The following LRRC69 variants were observed in gnomAD, a reference collection of about 807,000 sequenced individuals.
LRRC69 encodes the protein leucine-rich repeat-containing protein 69.
A neutral mutation model predicts 37.8 loss-of-function variants in LRRC69; 42 were observed. That is an observed-to-expected ratio of 1.11 (90% CI 0.87 to 1.44). The LOEUF is 1.44. Ranked by LOEUF, LRRC69 falls within the 40% of genes most tolerant of loss-of-function variation. The pLI is 0.00. For missense variants in LRRC69, 357 were observed against 401.9 expected, an observed-to-expected ratio of 0.89 and a Z score of 0.96; for synonymous variants, 141 against 143.1, an observed-to-expected ratio of 0.99 and a Z score of 0.11.
chr8:91,218,434 A>G (rs972996704), intron 7 of LRRC69, among the ~76,000 whole-genome samples: 1 of 152,166 alleles, frequency 6.6e-6, no homozygotes. Context: ...CTTAATGAAT[A>G]GTACAGACAG....
intron 5 of LRRC69, among the ~76,000 whole-genome samples, chr8:91,173,732 C>T (rs1295164054): frequency 3.3e-5 from 5 of 152,060 alleles, no homozygotes; most frequent in African/African-American, 1.2e-4. Flanking sequence ...GGGGCTTGCA[C>T]TCTGCTTCAA....
chr8:91,200,831 G>A (rs1268992881), intron 7 of LRRC69, 39 bp downstream of exon 7: 1 of 1,464,714 alleles, frequency 6.8e-7, no homozygotes, highest in Non-Finnish European at 9.1e-7. Flanking sequence ...GCATAATACT[G>A]ATTCCTATCC....
At chr8:91,123,438 C>CT (rs1201714637) in intron 1 of LRRC69, among the ~76,000 whole-genome samples, 1 of 152,046 alleles carries the variant, frequency 6.6e-6, no homozygotes, top group Admixed American at 6.6e-5. Flanking sequence ...CAAGTAAAAC[C>CT]TTTACCATGA....
rs544887288 is a variant in LRRC69 at position 91,105,935 on chromosome 8, T to C, written c.183+3091T>C. The stretch of plus-strand genomic sequence containing the variant: ...GAAATCTCTGCCCTCATAGAGTTTA[T>C]GTTTTAGTCAGGAATGATGTAAGAA... On this transcript the variant is annotated intron_variant, in intron 1 of 7. Transcript: ENST00000448384. Among the ~76,000 whole-genome samples, 41 of 152,152 alleles carry C rather than the reference T, an allele frequency of 2.7e-4. 1 individual carries two copies. In the South Asian group the frequency reaches 8.1e-3, roughly 30 times the overall value.
intron 7 of LRRC69, among the ~76,000 whole-genome samples, chr8:91,208,927 T>C (rs1001052500): frequency 2.6e-5 from 4 of 152,182 alleles, no homozygotes; most frequent in Non-Finnish European, 5.9e-5. Flanking sequence ...CTGGTTCTCT[T>C]TCAACCACTT....
intron 6 of LRRC69, among the ~76,000 whole-genome samples, chr8:91,192,574 A>C (rs902661131): frequency 2.6e-5 from 4 of 151,412 alleles, no homozygotes; most frequent in African/African-American, 9.7e-5. Flanking sequence ...TGTGGTTTTG[A>C]TTTGCATTTC....
At chr8:91,146,645 A>C (rs1808624664) in intron 5 of LRRC69, among the ~76,000 whole-genome samples, 1 of 151,748 alleles carries the variant, frequency 6.6e-6, no homozygotes. Flanking sequence ...GGCACCCAAT[A>C]AATAATTACA....
At chr8:91,123,923 G>A (rs1563596489) in intron 1 of LRRC69, among the ~76,000 whole-genome samples, 2 of 151,584 alleles carry the variant, frequency 1.3e-5, no homozygotes, top group Admixed American at 6.6e-5. Flanking sequence ...TCTTTTCTAC[G>A]CTCATTATAC....
At chr8:91,155,657 G>A (rs1808820470) in intron 5 of LRRC69, among the ~76,000 whole-genome samples, 2 of 150,378 alleles carry the variant, frequency 1.3e-5, no homozygotes, top group South Asian at 2.1e-4. Flanking sequence ...ACTCTTCCCA[G>A]CCTCTAATAA....
intron 3 of LRRC69, among the ~76,000 whole-genome samples, chr8:91,132,667 T>C (rs1230221530): frequency 6.6e-6 from 1 of 151,962 alleles, no homozygotes; most frequent in Non-Finnish European, 1.5e-5. Flanking sequence ...GATTCATCTT[T>C]GAACTTCCAC....
intron 1 of LRRC69, among the ~76,000 whole-genome samples, chr8:91,111,527 C>A (rs1464002279): frequency 1.3e-5 from 2 of 151,766 alleles, no homozygotes; most frequent in East Asian, 3.9e-4. Flanking sequence ...AAGTGAGACT[C>A]CATCTCAAAA....
chr8:91,196,562 C>T (rs1421409215), intron 6 of LRRC69, among the ~76,000 whole-genome samples: 9 of 152,080 alleles, frequency 5.9e-5, no homozygotes, highest in Non-Finnish European at 1.2e-4. Flanking sequence ...TCTTTTTTCT[C>T]TAAACTTCCC....
chr8:91,208,499 T>C (rs1809846406), intron 7 of LRRC69, among the ~76,000 whole-genome samples: 1 of 152,154 alleles, frequency 6.6e-6, no homozygotes, highest in African/African-American at 2.4e-5. Flanking sequence ...GTGGCACAAA[T>C]TCTTCAGCTA....
chr8:91,107,595 T>C (rs1330043458), intron 1 of LRRC69, among the ~76,000 whole-genome samples: 1 of 152,028 alleles, frequency 6.6e-6, no homozygotes, highest in Admixed American at 6.6e-5. Context: ...TGTAGAAGCT[T>C]TAAATACAGT....
chr8:91,219,192 T>C, downstream of LRRC69: 1 of 381,130 alleles, frequency 2.6e-6, no homozygotes, highest in Non-Finnish European at 4.7e-6. Flanking sequence ...AGATTCTAGG[T>C]GTGCTTTTTT....
Position 91,144,494 on chromosome 8 carries a change from C to A in LRRC69, c.651+8755C>A, listed in dbSNP as rs936325119. 7.9e-5 allele frequency among the ~76,000 whole-genome samples: 12 copies of A among 152,100 alleles called. No individual in the cohort carries two copies. In the East Asian group the frequency reaches 2.1e-3, roughly 27 times the overall value. ...TCTGTTTATTTCTGTCTTACCCTTT[C>A]CCTCTCCCTTGTGGCTCATTTGGTT... is the stretch of plus-strand genomic sequence containing the variant. On this transcript the variant is annotated intron_variant, in intron 5 of 7. Coordinates refer to ENST00000448384, the Ensembl canonical transcript of LRRC69.
At chr8:91,189,255 CTTAG>C (rs1037269105) in intron 5 of LRRC69, among the ~76,000 whole-genome samples, 1 of 152,006 alleles carries the variant, frequency 6.6e-6, no homozygotes, top group Admixed American at 6.6e-5. Flanking sequence ...AACAAGTTTT[CTTAG>C]TTGTTCAGGA....
At chr8:91,110,093 T>G (rs1563592106) in intron 1 of LRRC69, among the ~76,000 whole-genome samples, 2 of 152,054 alleles carry the variant, frequency 1.3e-5, no homozygotes, top group African/African-American at 4.8e-5. Context: ...TTCGATTACC[T>G]TTACAAAATA....
In LRRC69 at chr8:91,133,176, TTTTCTTGAGAATCTTGTTGAAC is replaced by T; in HGVS notation, c.453_474del (p.Leu152AsnfsTer7). The T allele has an allele frequency of 6.5e-7, 1 of 1,544,654 alleles. No individual in the cohort carries two copies. The highest frequency in any genetic ancestry group is 8.7e-7 in the Non-Finnish European group (1 of 1,145,116). ...TAGCCAGCATTCCTAGAGAACTTTGTTTTCTTGAGAATCTTGTTGAACTTCAACTTAACTACAATCAGCTGAT... is the reference window on the plus strand; with the variant it reads ...TAGCCAGCATTCCTAGAGAACTTTGTTTCAACTTAACTACAATCAGCTGAT... On this transcript the variant is annotated frameshift_variant, in exon 4 of 8. Transcript: ENST00000448384. LOFTEE classifies it high-confidence loss of function.
Sources: gnomAD v4.1 joint callset for allele counts (sites outside exome capture counted in the v4.1 genomes callset) on GRCh38, gnomAD v4.1.1 for gene constraint, MANE v1.5 for transcripts, NCBI Gene and HGNC (gene_info 2026-07-23, HGNC 2026-07-21) for gene names.